TNRC6B: variants seen among roughly 807,000 people sequenced by gnomAD.
TNRC6B encodes the protein trinucleotide repeat-containing gene 6B protein.
TNRC6B carries 52 observed loss-of-function variants against 203.6 expected under a neutral mutation model. That is an observed-to-expected ratio of 0.26 (90% CI 0.20 to 0.32). The LOEUF is 0.32. Among genes scored for constraint, TNRC6B ranks in the 10% least tolerant of loss-of-function variants. The pLI, the probability that TNRC6B is intolerant of heterozygous loss-of-function variation, is 1.00. For synonymous variants in TNRC6B, 838 were observed against 845.7 expected (o/e 0.99, Z 0.16); for missense variants, 1,923 against 2,286.2 (o/e 0.84, Z 3.24).
At chr22:40,079,001 G>A (rs560413160) in intron 1 of TNRC6B, among the ~76,000 whole-genome samples, 1 of 152,002 alleles carries the variant, frequency 6.6e-6, no homozygotes, top group Non-Finnish European at 1.5e-5. Flanking sequence ...ATGAACTCGG[G>A]AGGCAGAGGT....
At chr22:40,141,999 A>G (rs1295227663) in intron 3 of TNRC6B, among the ~76,000 whole-genome samples, 1 of 151,108 alleles carries the variant, frequency 6.6e-6, no homozygotes, top group Non-Finnish European at 1.5e-5. Context: ...TGACCTCATG[A>G]TCCACCCACC....
chr22:40,312,192 G>T (rs2071194135), intron 17 of TNRC6B, among the ~76,000 whole-genome samples: 1 of 152,200 alleles, frequency 6.6e-6, no homozygotes, highest in Non-Finnish European at 1.5e-5. Flanking sequence ...GTGAACACCA[G>T]AGTCCTTACT....
At chr22:40,081,733 A>G (rs2068065433) in intron 1 of TNRC6B, among the ~76,000 whole-genome samples, 1 of 152,200 alleles carries the variant, frequency 6.6e-6, no homozygotes, top group Non-Finnish European at 1.5e-5. Context: ...GCTTAGCTCT[A>G]TCCAGCACAT....
At chr22:40,079,326 T>C (rs1388926890) in intron 1 of TNRC6B, among the ~76,000 whole-genome samples, 3 of 152,104 alleles carry the variant, frequency 2.0e-5, no homozygotes, top group African/African-American at 4.8e-5. Context: ...CCAGGTAGCC[T>C]TGATAAGCAG....
At chr22:40,087,309 C>G (rs949911839) in intron 1 of TNRC6B, among the ~76,000 whole-genome samples, 5 of 152,150 alleles carry the variant, frequency 3.3e-5, no homozygotes, top group African/African-American at 1.2e-4. Flanking sequence ...ACAACTTGGT[C>G]CTGCCTTCTT....
chr22:40,099,270 A>G (rs962397191), intron 1 of TNRC6B, among the ~76,000 whole-genome samples: 1 of 149,902 alleles, frequency 6.7e-6, no homozygotes, highest in Non-Finnish European at 1.5e-5. Context: ...AAAAAAAAGG[A>G]AAAAAAAACA....
intron 3 of TNRC6B, among the ~76,000 whole-genome samples, chr22:40,129,869 G>C (rs916933106): frequency 2.6e-5 from 4 of 152,086 alleles, no homozygotes; most frequent in Middle Eastern, 3.2e-3. Context: ...TGGGTACATA[G>C]GAGTTTATTT....
chr22:40,106,519 A>G lies in TNRC6B; in HGVS notation c.-120-10536A>G, dbSNP rs1282916315. On this transcript the variant is annotated intron_variant, in intron 1 of 23. Coordinates refer to the TNRC6B transcript ENST00000301923. ...ATCAGATCCTCCAGCAGATGATGCC[A>G]TATTTACCAAGAGATCGAGCAATCA... The G allele has an allele frequency of 5.4e-6, 4 of 739,368 alleles. No individual in the cohort carries two copies. In the East Asian group the frequency reaches 7.7e-5, roughly 14 times the overall value. 45.8% of individuals were successfully genotyped at this position (739,368 alleles called of 1,614,324 possible). A position where few individuals can be genotyped will look rare whatever the true frequency, so the allele number is the denominator to read the frequency against.
chr22:40,254,819 A>G (rs756203146), intron 3 of TNRC6B, among the ~76,000 whole-genome samples: 15 of 152,146 alleles, frequency 9.9e-5, no homozygotes, highest in South Asian at 4.1e-4. Context: ...CCTGGGAGGC[A>G]GAGGTTGCAG....
At chr22:40,126,793 G>A (rs1013776311) in intron 3 of TNRC6B, among the ~76,000 whole-genome samples, 8 of 150,650 alleles carry the variant, frequency 5.3e-5, no homozygotes, top group Non-Finnish European at 1.0e-4. Flanking sequence ...GTCTCACTTT[G>A]TTGTCCAGGC....
rs559804638 is a variant in TNRC6B at position 40,160,471 on chromosome 22, C to T, written c.113+4289C>T. Among the ~76,000 whole-genome samples, 527 of 102,446 alleles carry T rather than the reference C, an allele frequency of 5.1e-3. 7 individuals carry two copies. The highest frequency in any genetic ancestry group is 0.025 in the African/African-American group (495 of 19,530). 67.2% of individuals were successfully genotyped at this position (102,446 alleles called of 152,430 possible). On this transcript the variant is annotated intron_variant, in intron 4 of 23. Coordinates refer to the TNRC6B transcript ENST00000301923. ...AGCCTGGGCAACAAGAGTGAAACTC[C>T]GTCTCAAAAAAAAAAAAAAAGAGAT...
At chr22:40,279,933 T>C in intron 9 of TNRC6B, 62 bp from the exon 10 acceptor site, 1 of 1,540,688 alleles carries the variant, frequency 6.5e-7, no homozygotes, top group Non-Finnish European at 9.0e-7. Context: ...GGCAGGTCAC[T>C]CTTGGTTCAT....
At chr22:40,075,158 T>TATATATA (rs57939511) in intron 1 of TNRC6B, among the ~76,000 whole-genome samples, 20 of 57,042 alleles carry the variant, frequency 3.5e-4, no homozygotes, top group African/African-American at 2.1e-3. Flanking sequence ...ATATATATAT[T>TATATATA]TTTTTTTTTT....
chr22:40,296,773 G>A (rs1057029818), intron 12 of TNRC6B, among the ~76,000 whole-genome samples: 12 of 152,036 alleles, frequency 7.9e-5, no homozygotes, highest in Non-Finnish European at 1.5e-4. Flanking sequence ...GATTACAGGC[G>A]CTTGCCACCA....
rs1427500047 is a variant in TNRC6B at position 40,308,591 on chromosome 22, C to T, written c.4200C>T (p.Thr1400=). The change falls in exon 16 of 23, where the codon ACC becomes ACT. Residue 1400 remains threonine (T), a synonymous_variant. Transcript: ENST00000454349. ...AGTESRFKQW[T]SMMEGLPSVA... is the part of the protein sequence containing the mutation. ...CCGAGTCTCGCTTTAAACAGTGGAC[C>T]TCCATGATGGAGGGGCTGCCCTCTG... 1 of 1,613,992 alleles carries T rather than the reference C, an allele frequency of 6.2e-7. No homozygotes were observed. The highest frequency in any genetic ancestry group is 8.5e-7 in the Non-Finnish European group (1 of 1,179,884).
intron 1 of TNRC6B, among the ~76,000 whole-genome samples, chr22:40,051,088 G>A (rs183374144): frequency 1.6e-4 from 24 of 152,296 alleles, no homozygotes; most frequent in African/African-American, 5.5e-4. Flanking sequence ...CTCCCAAAGT[G>A]CTGGGATTAC....
intron 22 of TNRC6B, among the ~76,000 whole-genome samples, chr22:40,322,269 C>A (rs1273398631): frequency 2.0e-5 from 3 of 152,190 alleles, no homozygotes; most frequent in Non-Finnish European, 4.4e-5. Flanking sequence ...AGATTTCTGT[C>A]ATATCTCCTG....
At position 40,308,167 on chromosome 22, in the gene TNRC6B, G is replaced by T. The variant is rs371652279; in HGVS notation, c.4121-345G>T. 7.0e-4 allele frequency among the ~76,000 whole-genome samples: 106 copies of T among 152,266 alleles called. 2 individuals carry two copies. The South Asian group carries it at 0.018, about 26-fold the overall frequency. On this transcript the variant is annotated intron_variant, in intron 15 of 22. Transcript: ENST00000454349. ...ACTACAGCTTTGTTGCTGCTGTTGC[G>T]CTACATTGGCTGGATGTCGTCTTCT... is the stretch of plus-strand genomic sequence containing the variant.
intron 1 of TNRC6B, among the ~76,000 whole-genome samples, chr22:40,209,568 C>G (rs949715126): frequency 9.2e-5 from 14 of 152,168 alleles, no homozygotes; most frequent in African/African-American, 3.4e-4. Flanking sequence ...GGCATTCTTA[C>G]GCTAACCTGC....
Sources: gnomAD v4.1 joint callset for allele counts (sites outside exome capture counted in the v4.1 genomes callset) on GRCh38, gnomAD v4.1.1 for gene constraint, MANE v1.5 for transcripts, NCBI Gene and HGNC (gene_info 2026-07-23, HGNC 2026-07-21) for gene names.